Variants in B3GALT1 observed in about 807,000 individuals in gnomAD.
The protein encoded by B3GALT1 is beta-1,3-galactosyltransferase 1, also known as UDP-Gal:betaGlcNAc beta 1,3-galactosyltransferase, polypeptide 1.
A neutral mutation model predicts 23.2 loss-of-function variants in B3GALT1; 10 were observed. The observed-to-expected ratio is 0.43, with a 90% CI of 0.27 to 0.73. B3GALT1 has a LOEUF of 0.73. Among genes scored for constraint, B3GALT1 ranks in the 30% least tolerant of loss-of-function variants. The pLI, the probability that B3GALT1 is intolerant of heterozygous loss-of-function variation, is 0.21. For missense variants in B3GALT1, 299 were observed against 405.4 expected (o/e 0.74, Z 2.25); for synonymous variants, 156 against 141.5 (o/e 1.10, Z -0.73).
At position 167,609,545 on chromosome 2, in the gene B3GALT1, T is replaced by C. The variant is rs535897504; in HGVS notation, c.-409-37364T>C. Among the ~76,000 whole-genome samples the C allele has an allele frequency of 6.6e-5, 10 of 152,202 alleles. No homozygotes were observed. The South Asian group carries it at 2.1e-3, about 32-fold the overall frequency. Reference sequence around the variant, plus strand: ...TCCTGAGGCTAGTTCCCCTGTGATTTAGGACAACTTCCAGTGGTTGTTACA... The same window carrying C: ...TCCTGAGGCTAGTTCCCCTGTGATTCAGGACAACTTCCAGTGGTTGTTACA... On this transcript the variant is annotated intron_variant, in intron 2 of 4. Transcript: ENST00000392690.
chr2:167,793,218 C>A (rs1057456468), intron 3 of B3GALT1, among the ~76,000 whole-genome samples: 2 of 152,100 alleles, frequency 1.3e-5, no homozygotes, highest in Non-Finnish European at 2.9e-5. Flanking sequence ...CAAGCATCAA[C>A]ACGTGGCAGC....
chr2:167,666,160 C>T (rs995588587), intron 3 of B3GALT1, among the ~76,000 whole-genome samples: 15 of 152,168 alleles, frequency 9.9e-5, no homozygotes, highest in South Asian at 2.1e-4. Flanking sequence ...TCTTTGTTCT[C>T]GTTCGTTTCA....
chr2:167,379,351 A>G (rs1437599638), intron 1 of B3GALT1, among the ~76,000 whole-genome samples: 1 of 152,056 alleles, frequency 6.6e-6, no homozygotes, highest in Non-Finnish European at 1.5e-5. Flanking sequence ...ATTCAAGATG[A>G]GATTTGGGTG....
At chr2:167,336,236 A>T (rs993287235) in intron 1 of B3GALT1, among the ~76,000 whole-genome samples, 1 of 152,088 alleles carries the variant, frequency 6.6e-6, no homozygotes, top group Non-Finnish European at 1.5e-5. Context: ...GTAATCTAAG[A>T]TGATGTGGAA....
chr2:167,734,104 G>A (rs1171570949), intron 3 of B3GALT1, among the ~76,000 whole-genome samples: 7 of 152,082 alleles, frequency 4.6e-5, no homozygotes, highest in Non-Finnish European at 1.0e-4. Context: ...GCAGGACATG[G>A]AATTAACGGG....
chr2:167,538,728 T>A (rs138361510), intron 2 of B3GALT1, among the ~76,000 whole-genome samples: 2 of 152,204 alleles, frequency 1.3e-5, no homozygotes, highest in African/African-American at 4.8e-5. Flanking sequence ...ATAACTCAAA[T>A]CGTTTAGAAC....
At chr2:167,462,093 T>A in intron 1 of B3GALT1, among the ~76,000 whole-genome samples, 1 of 152,200 alleles carries the variant, frequency 6.6e-6, no homozygotes, top group East Asian at 1.9e-4. Context: ...CACCATTGTA[T>A]ATTTCCACAA....
At chr2:167,675,823 AC>A (rs1686415418) in intron 3 of B3GALT1, among the ~76,000 whole-genome samples, 1 of 151,668 alleles carries the variant, frequency 6.6e-6, no homozygotes, top group African/African-American at 2.4e-5. Flanking sequence ...CAGGTATTTC[AC>A]CTGAGTGCAT....
intron 4 of B3GALT1, among the ~76,000 whole-genome samples, chr2:167,848,081 A>C (rs1468021998): frequency 1.3e-5 from 2 of 152,158 alleles, no homozygotes; most frequent in Non-Finnish European, 2.9e-5. Flanking sequence ...CAAGCAGCGA[A>C]ATTAAAATGG....
At chr2:167,441,292 T>C (rs1698889654) in intron 1 of B3GALT1, among the ~76,000 whole-genome samples, 1 of 152,212 alleles carries the variant, frequency 6.6e-6, no homozygotes, top group African/African-American at 2.4e-5. Flanking sequence ...GGGTTGTTCT[T>C]TCATCTTTAG....
At chr2:167,803,765 T>C (rs1407324574) in intron 3 of B3GALT1, among the ~76,000 whole-genome samples, 1 of 152,150 alleles carries the variant, frequency 6.6e-6, no homozygotes, top group Admixed American at 6.5e-5. Context: ...GGAATACTTT[T>C]TTTTATATAA....
intron 3 of B3GALT1, among the ~76,000 whole-genome samples, chr2:167,742,012 C>A (rs1384091904): frequency 6.6e-6 from 1 of 152,164 alleles, no homozygotes; most frequent in African/African-American, 2.4e-5. Flanking sequence ...GATGACACCT[C>A]TCAGTCAGGT....
At chr2:167,451,061 A>G (rs943551532) in intron 1 of B3GALT1, among the ~76,000 whole-genome samples, 1 of 151,638 alleles carries the variant, frequency 6.6e-6, no homozygotes, top group African/African-American at 2.4e-5. Context: ...GTTTTTATTT[A>G]TGTTATTTCC....
intron 1 of B3GALT1, among the ~76,000 whole-genome samples, chr2:167,355,158 G>A (rs1697380626): frequency 6.6e-6 from 1 of 152,204 alleles, no homozygotes; most frequent in Non-Finnish European, 1.5e-5. Flanking sequence ...TTAAGCATAA[G>A]TTTCTTTACC....
rs191161995 is a variant in B3GALT1, at chr2:167,777,564, T to A, written c.-351-41108T>A. ...GGTTTCGCCTTGTTGGCCAGGCTGG[T>A]CTCAAACTCCTGACCTCAGGTGATC... On this transcript the variant is annotated intron_variant, in intron 3 of 4. Coordinates refer to ENST00000392690, the MANE Select transcript of B3GALT1 (RefSeq NM_020981.4). 1.5e-4 allele frequency among the ~76,000 whole-genome samples: 23 copies of A among 152,234 alleles called. 1 individual carries two copies. In the East Asian group the frequency reaches 3.9e-3, roughly 26 times the overall value.
intron 1 of B3GALT1, among the ~76,000 whole-genome samples, chr2:167,488,858 G>A (rs1255358747): frequency 6.6e-6 from 1 of 151,456 alleles, no homozygotes; most frequent in African/African-American, 2.4e-5. Context: ...TGTCAGGCTT[G>A]TTTCATGCAA....
At chr2:167,839,168 T>G (rs1471151185) in intron 4 of B3GALT1, among the ~76,000 whole-genome samples, 3 of 152,184 alleles carry the variant, frequency 2.0e-5, no homozygotes, top group African/African-American at 7.2e-5. Flanking sequence ...GTGTTGGAAG[T>G]TCTGGCCAGG....
chr2:167,609,328 T>G (rs1432069001), intron 2 of B3GALT1, among the ~76,000 whole-genome samples: 1 of 152,170 alleles, frequency 6.6e-6, no homozygotes, highest in African/African-American at 2.4e-5. Flanking sequence ...ACTTTACTGT[T>G]CCAACCAGTA....
chr2:167,652,099 C>T (rs1685879579), intron 3 of B3GALT1, among the ~76,000 whole-genome samples: 4 of 152,108 alleles, frequency 2.6e-5, no homozygotes, highest in Admixed American at 2.6e-4. Flanking sequence ...TTTTGCTGAA[C>T]ATATTGGGGG....
Sources: allele counts gnomAD v4.1 joint callset (sites outside exome capture counted in the v4.1 genomes callset), GRCh38; gene constraint gnomAD v4.1.1; transcripts MANE v1.5; gene names NCBI Gene and HGNC (gene_info 2026-07-23, HGNC 2026-07-21).